Variants in SAMSN1 observed in about 807,000 individuals in gnomAD.
SAMSN1 encodes the protein SAM domain, SH3 domain and nuclear localization signals 1.
SAMSN1 carries 31 observed loss-of-function variants against 42.0 expected under a neutral mutation model. That is an observed-to-expected ratio of 0.74 (90% confidence interval 0.55 to 1.00). SAMSN1 has a LOEUF of 1.00. SAMSN1 is among the 50% of genes least tolerant of loss of function. The pLI is 0.00. For synonymous variants in SAMSN1, 178 were observed against 151.9 expected (o/e 1.17, Z -1.26); for missense variants, 464 against 439.4 (o/e 1.06, Z -0.50).
chr21:14,651,813 C>A (rs1277862015), intron 1 of SAMSN1, among the ~76,000 whole-genome samples: 3 of 151,874 alleles, frequency 2.0e-5, no homozygotes, highest in Admixed American at 1.3e-4. Context: ...AACTAATAAA[C>A]AAATTTAGCA....
intron 2 of SAMSN1, among the ~76,000 whole-genome samples, chr21:14,520,189 C>T (rs56373147): frequency 0.054 from 8,224 of 152,076 alleles, 661 homozygotes; most frequent in African/African-American, 0.18. Context: ...TCTTAAGCTA[C>T]GGTTAAAATG....
chr21:14,583,544 A>G (rs1306407415), upstream of SAMSN1: 3 of 595,016 alleles, frequency 5.0e-6, no homozygotes, highest in Admixed American at 6.4e-5. Context: ...AAAATCCTCA[A>G]TGTTTAATGA....
At chr21:14,602,099 T>C (rs1034604724) in exon 6 of SAMSN1, 2 of 663,980 alleles carry the variant, frequency 3.0e-6, no homozygotes, top group African/African-American at 3.6e-5. Context: ...TTCATTTAGA[T>C]CTAAGAAAAG....
At chr21:14,504,157 G>A (rs755574384) in intron 5 of SAMSN1, among the ~76,000 whole-genome samples, 13 of 152,090 alleles carry the variant, frequency 8.5e-5, no homozygotes, top group Non-Finnish European at 1.8e-4. Context: ...ATGAGAAGGA[G>A]CCAGAAAACC....
At chr21:14,574,076 C>T (rs1243594829) in intron 2 of SAMSN1, among the ~76,000 whole-genome samples, 2 of 152,156 alleles carry the variant, frequency 1.3e-5, no homozygotes, top group African/African-American at 4.8e-5. Context: ...GGCTTCTCTC[C>T]TGCCAAAGAT....
chr21:14,558,288 A>G (rs1231773579), intron 2 of SAMSN1, among the ~76,000 whole-genome samples: 1 of 152,172 alleles, frequency 6.6e-6, no homozygotes, highest in East Asian at 1.9e-4. Context: ...AAAACTCAAA[A>G]GGATTATGGC....
At chr21:14,533,722 A>C (rs1428729760) in intron 1 of SAMSN1, among the ~76,000 whole-genome samples, 1 of 152,270 alleles carries the variant, frequency 6.6e-6, no homozygotes, top group Non-Finnish European at 1.5e-5. Context: ...TCTGCCAAGA[A>C]AAATGCATAT....
At chr21:14,497,925 A>C (rs1986979120) in intron 7 of SAMSN1, among the ~76,000 whole-genome samples, 1 of 152,248 alleles carries the variant, frequency 6.6e-6, no homozygotes, top group Admixed American at 6.5e-5. Context: ...GAACCATCTC[A>C]GATAATAAAA....
At chr21:14,574,137 G>A (rs1440270133) in intron 2 of SAMSN1, among the ~76,000 whole-genome samples, 1 of 152,104 alleles carries the variant, frequency 6.6e-6, no homozygotes, top group Non-Finnish European at 1.5e-5. Context: ...ATGCAAGAGA[G>A]GCTCTAAGTA....
intron 5 of SAMSN1, among the ~76,000 whole-genome samples, chr21:14,603,461 A>T (rs112369031): frequency 6.6e-5 from 10 of 152,350 alleles, no homozygotes; most frequent in African/African-American, 1.9e-4. Flanking sequence ...CAAGGCCAGA[A>T]TGGAAGCTTG....
intron 5 of SAMSN1, among the ~76,000 whole-genome samples, chr21:14,504,457 G>T (rs1435102077): frequency 1.3e-5 from 2 of 152,150 alleles, no homozygotes; most frequent in African/African-American, 4.8e-5. Flanking sequence ...AATGCAAAAT[G>T]CTCTGGAAAG....
chr21:14,586,277 A>G (rs1033154360), upstream of SAMSN1, among the ~76,000 whole-genome samples: 7 of 147,338 alleles, frequency 4.8e-5, no homozygotes, highest in Non-Finnish European at 8.9e-5. Context: ...AAAAAAAAAA[A>G]AGAAAAAGAA....
chr21:14,609,966 T>C (rs556620741), intron 4 of SAMSN1, among the ~76,000 whole-genome samples: 115 of 152,314 alleles, frequency 7.6e-4, no homozygotes, highest in African/African-American at 2.2e-3. Context: ...GTCATCTTCA[T>C]AAGGTGAGGA....
chr21:14,611,268 G>T (rs917672889), intron 4 of SAMSN1, among the ~76,000 whole-genome samples: 2 of 152,188 alleles, frequency 1.3e-5, no homozygotes, highest in Non-Finnish European at 2.9e-5. Context: ...GAATATAAAT[G>T]ATTTGCTCAG....
At chr21:14,604,927 T>C (rs1253512624) in intron 5 of SAMSN1, among the ~76,000 whole-genome samples, 1 of 152,248 alleles carries the variant, frequency 6.6e-6, no homozygotes, top group Non-Finnish European at 1.5e-5. Context: ...TCTGCAAGTG[T>C]GTGAGCCTAA....
intron 1 of SAMSN1, among the ~76,000 whole-genome samples, chr21:14,657,334 CT>C (rs1983933013): frequency 6.6e-6 from 1 of 151,702 alleles, no homozygotes; most frequent in Non-Finnish European, 1.5e-5. Flanking sequence ...TTAAGGACAA[CT>C]TTAACAGACA....
intron 1 of SAMSN1, among the ~76,000 whole-genome samples, chr21:14,544,223 G>A (rs1442073160): frequency 6.6e-6 from 1 of 151,990 alleles, no homozygotes; most frequent in Non-Finnish European, 1.5e-5. Context: ...GGTAATTTTT[G>A]AATTTTTTGT....
intron 7 of SAMSN1, among the ~76,000 whole-genome samples, chr21:14,589,708 G>A (rs1982022275): frequency 6.6e-6 from 1 of 152,010 alleles, no homozygotes; most frequent in African/African-American, 2.4e-5. Context: ...TCTGAATTAT[G>A]TTCTCTTTAC....
chr21:14,503,753 G>A (rs1987277607), intron 5 of SAMSN1, among the ~76,000 whole-genome samples: 1 of 152,080 alleles, frequency 6.6e-6, no homozygotes, highest in South Asian at 2.1e-4. Flanking sequence ...AGGAGTGTGT[G>A]GATGCTCACA....
Sources: allele counts gnomAD v4.1 joint callset (sites outside exome capture counted in the v4.1 genomes callset), GRCh38; gene constraint gnomAD v4.1.1; transcripts MANE v1.5; gene names NCBI Gene and HGNC (gene_info 2026-07-23, HGNC 2026-07-21).